CSMD1: variants seen among roughly 807,000 people sequenced by gnomAD.
CSMD1 encodes CUB and sushi domain-containing protein 1.
A neutral mutation model predicts 417.5 loss-of-function variants in CSMD1; 213 were observed. That is an observed-to-expected ratio of 0.51 (90% CI 0.46 to 0.57). The LOEUF (loss-of-function observed/expected upper bound fraction) is 0.57, where lower values mean the gene tolerates loss of function less well. Ranked by LOEUF, CSMD1 falls within the 20% of genes least tolerant of loss-of-function variation. The probability of loss-of-function intolerance (pLI) is 0.00; values close to 1 mark genes in which losing one functional copy is unlikely to be tolerated. For missense variants in CSMD1, 6,923 were observed against 4,529.7 expected (o/e 1.53, Z -15.17); for synonymous variants, 2,862 against 1,736.8 (o/e 1.65, Z -16.11).
chr8:4,536,970 A>T (rs979709846), intron 2 of CSMD1, among the ~76,000 whole-genome samples: 2 of 152,174 alleles, frequency 1.3e-5, no homozygotes, highest in African/African-American at 2.4e-5. Context: ...GCATATCATG[A>T]TTATCATTTT....
At chr8:4,663,525 G>C (rs1052449181) in intron 1 of CSMD1, among the ~76,000 whole-genome samples, 1 of 152,134 alleles carries the variant, frequency 6.6e-6, no homozygotes, top group Non-Finnish European at 1.5e-5. Flanking sequence ...TGTCCTGATA[G>C]TGCATGCTAG....
intron 1 of CSMD1, among the ~76,000 whole-genome samples, chr8:4,778,630 C>T (rs899974652): frequency 6.6e-6 from 1 of 152,228 alleles, no homozygotes; most frequent in African/African-American, 2.4e-5. Context: ...CACTATTGAC[C>T]CTCTGACCTT....
chr8:3,809,324 T>C (rs1800931860), intron 5 of CSMD1, among the ~76,000 whole-genome samples: 1 of 152,188 alleles, frequency 6.6e-6, no homozygotes, highest in Non-Finnish European at 1.5e-5. Context: ...TTGTTCACGA[T>C]TTTTATCGAT....
chr8:4,604,528 G>T (rs188396755), intron 2 of CSMD1, among the ~76,000 whole-genome samples: 3 of 152,022 alleles, frequency 2.0e-5, no homozygotes, highest in Admixed American at 6.6e-5. Flanking sequence ...GATCAAAATA[G>T]CTATCAATAA....
chr8:4,503,160 A>G (rs1802346042), intron 2 of CSMD1, among the ~76,000 whole-genome samples: 1 of 152,180 alleles, frequency 6.6e-6, no homozygotes, highest in South Asian at 2.1e-4. Flanking sequence ...TGTGCTTTTA[A>G]TATATAGTCT....
chr8:3,052,358 A>C lies in CSMD1; in HGVS notation c.7660+104T>G, dbSNP rs552816616. On this transcript the variant is annotated intron_variant, in intron 50 of 69. Coordinates refer to ENST00000635120, the MANE Select transcript of CSMD1 (RefSeq NM_033225.6). ...TGATGAAAGACACCAAATCCTCACA[A>C]GGTGTGGGAGAGGACCTCTGAACGT... 2.6e-4 allele frequency: 186 copies of C among 723,698 alleles called. No homozygotes were observed. In the African/African-American group the frequency reaches 3.0e-3, roughly 12 times the overall value. The allele number at this position is 723,698 out of a possible 1,614,324, so 44.8% of individuals were successfully genotyped here.
intron 5 of CSMD1, among the ~76,000 whole-genome samples, chr8:3,951,866 C>T (rs1266889280): frequency 2.0e-5 from 3 of 151,726 alleles, no homozygotes; most frequent in Non-Finnish European, 2.9e-5. Flanking sequence ...ATAACTTGCA[C>T]ATTAAACTAC....
At chr8:3,554,476 G>A (rs1799055719) in intron 10 of CSMD1, among the ~76,000 whole-genome samples, 1 of 152,140 alleles carries the variant, frequency 6.6e-6, no homozygotes, top group African/African-American at 2.4e-5. Context: ...CCACATTGAG[G>A]GGAAGGGAGG....
intron 57 of CSMD1, among the ~76,000 whole-genome samples, chr8:2,967,605 A>G (rs778864391): frequency 2.0e-5 from 3 of 152,182 alleles, no homozygotes; most frequent in Admixed American, 6.5e-5. Context: ...TACTGTTGCA[A>G]TAATATACAA....
intron 5 of CSMD1, among the ~76,000 whole-genome samples, chr8:3,794,733 C>A (rs2623689): frequency 6.6e-6 from 1 of 152,082 alleles, no homozygotes; most frequent in Non-Finnish European, 1.5e-5. Context: ...CGATATCTCA[C>A]AGTTGCAACT....
At chr8:3,657,720 A>C (rs1798202240) in intron 7 of CSMD1, among the ~76,000 whole-genome samples, 1 of 152,164 alleles carries the variant, frequency 6.6e-6, no homozygotes, top group South Asian at 2.1e-4. Context: ...GGGGAGGGGT[A>C]GCATTAGGAG....
At chr8:4,601,835 G>A (rs1227918891) in intron 2 of CSMD1, among the ~76,000 whole-genome samples, 1 of 152,150 alleles carries the variant, frequency 6.6e-6, no homozygotes, top group African/African-American at 2.4e-5. Flanking sequence ...AGGTTAGCGT[G>A]CATCTTTCAC....
intron 7 of CSMD1, among the ~76,000 whole-genome samples, chr8:3,697,601 TC>T (rs1800625844): frequency 6.6e-6 from 1 of 152,140 alleles, no homozygotes; most frequent in Non-Finnish European, 1.5e-5. Flanking sequence ...ATATAGCAGT[TC>T]CCCCTTCTGA....
intron 2 of CSMD1, among the ~76,000 whole-genome samples, chr8:4,521,371 T>C (rs184560996): frequency 1.0e-3 from 155 of 152,090 alleles, no homozygotes; most frequent in African/African-American, 2.9e-3. Context: ...AGGGCTAAAA[T>C]AGAAAAAGAA....
Position 3,884,502 on chromosome 8 carries a change from G to T in CSMD1, c.818+113401C>A, listed in dbSNP as rs141945032. On this transcript the variant is annotated intron_variant, in intron 5 of 69. Coordinates refer to ENST00000635120, the MANE Select transcript of CSMD1 (RefSeq NM_033225.6). ...CCGCAGTAGCATAACTTCACACCTG[G>T]ATTCTCCTCCTTCGGGGTCCCAACA... is the stretch of plus-strand genomic sequence containing the variant. Among the ~76,000 whole-genome samples the T allele has an allele frequency of 2.6e-5, 4 of 152,218 alleles. No homozygotes were observed. The East Asian group carries it at 7.7e-4, about 29-fold the overall frequency.
At chr8:3,927,823 C>G (rs1396242960) in intron 5 of CSMD1, among the ~76,000 whole-genome samples, 1 of 152,118 alleles carries the variant, frequency 6.6e-6, no homozygotes, top group Non-Finnish European at 1.5e-5. Context: ...AAAAATATGT[C>G]TCTCAGTGAT....
chr8:3,114,668 G>A (rs1281703764), intron 42 of CSMD1, among the ~76,000 whole-genome samples: 3 of 151,962 alleles, frequency 2.0e-5, no homozygotes, highest in African/African-American at 7.2e-5. Context: ...CTGTATTTGT[G>A]AATGCAGGTA....
At chr8:4,627,741 G>C (rs747202637) in intron 2 of CSMD1, among the ~76,000 whole-genome samples, 1 of 152,116 alleles carries the variant, frequency 6.6e-6, no homozygotes, top group Admixed American at 6.6e-5. Flanking sequence ...CCCTCAGCCA[G>C]TTCCAGCTAA....
chr8:4,385,966 G>T (rs376562787), intron 3 of CSMD1, among the ~76,000 whole-genome samples: 1 of 152,108 alleles, frequency 6.6e-6, no homozygotes, highest in Non-Finnish European at 1.5e-5. Context: ...CAGAGCATCA[G>T]CATCTTTCCT....
Sources: gnomAD v4.1 joint callset for allele counts (sites outside exome capture counted in the v4.1 genomes callset) on GRCh38, gnomAD v4.1.1 for gene constraint, MANE v1.5 for transcripts, NCBI Gene and HGNC (gene_info 2026-07-23, HGNC 2026-07-21) for gene names.